The following PIP4K2A variants were observed in gnomAD, a reference collection of about 807,000 sequenced individuals.
PIP4K2A encodes the protein phosphatidylinositol 5-phosphate 4-kinase type-2 alpha.
Under a neutral mutation model 42.9 loss-of-function variants are expected in PIP4K2A, and 14 were observed. The ratio of observed to expected loss-of-function variants is 0.33; its 90% CI spans 0.22 to 0.51. The LOEUF is 0.51. Among genes scored for constraint, PIP4K2A ranks in the 20% least tolerant of loss-of-function variants. The pLI is 0.97. For missense variants in PIP4K2A, 434 were observed against 519.8 expected, an observed-to-expected ratio of 0.83 and a Z score of 1.61; for synonymous variants, 192 against 192.2, an observed-to-expected ratio of 1.00 and a Z score of 0.01.
intron 1 of PIP4K2A, among the ~76,000 whole-genome samples, chr10:22,661,459 T>G (rs1254882092): frequency 1.3e-5 from 2 of 150,552 alleles, no homozygotes; most frequent in African/African-American, 4.9e-5. Context: ...TGGGCTCAAG[T>G]GATCCTCCTG....
chr10:22,666,458 G>A (rs1839354500), intron 1 of PIP4K2A, among the ~76,000 whole-genome samples: 1 of 152,144 alleles, frequency 6.6e-6, no homozygotes, highest in African/African-American at 2.4e-5. Flanking sequence ...GCAGCAGGAA[G>A]GCATTAATTT....
intron 3 of PIP4K2A, among the ~76,000 whole-genome samples, chr10:22,593,105 T>C (rs1837550330): frequency 1.3e-5 from 2 of 152,218 alleles, no homozygotes; most frequent in African/African-American, 2.4e-5. Context: ...GTAGAATCCA[T>C]TGCAGCAGTG....
chr10:22,598,419 A>C (rs1360417992), intron 3 of PIP4K2A, among the ~76,000 whole-genome samples: 1 of 152,228 alleles, frequency 6.6e-6, no homozygotes, highest in African/African-American at 2.4e-5. Context: ...AGTGACAGTA[A>C]GTTATTTCCT....
At chr10:22,554,781 T>G (rs1204500466) in intron 6 of PIP4K2A, among the ~76,000 whole-genome samples, 1 of 152,176 alleles carries the variant, frequency 6.6e-6, no homozygotes, top group Non-Finnish European at 1.5e-5. Flanking sequence ...GACGAGGGTA[T>G]GGGAGGGAAC....
At chr10:22,670,436 T>A (rs1010356865) in intron 1 of PIP4K2A, among the ~76,000 whole-genome samples, 2 of 152,150 alleles carry the variant, frequency 1.3e-5, no homozygotes, top group Non-Finnish European at 2.9e-5. Context: ...ACTTCTTCCA[T>A]ATGCAAACAG....
At chr10:22,575,970 T>C (rs1435883621) in intron 4 of PIP4K2A, among the ~76,000 whole-genome samples, 1 of 151,658 alleles carries the variant, frequency 6.6e-6, no homozygotes, top group East Asian at 1.9e-4. Context: ...AAAAAGTCTG[T>C]CTACTTTATC....
chr10:22,664,160 T>C (rs1178655083), intron 1 of PIP4K2A, among the ~76,000 whole-genome samples: 7 of 67,244 alleles, frequency 1.0e-4, no homozygotes, highest in African/African-American at 4.5e-4. Context: ...TACACATATA[T>C]ATATATACAT....
intron 3 of PIP4K2A, among the ~76,000 whole-genome samples, chr10:22,603,334 T>C (rs7093543): frequency 0.062 from 9,496 of 152,176 alleles, 381 homozygotes; most frequent in Middle Eastern, 0.16. Context: ...GCATAACTTT[T>C]TGGTTTCTGG....
chr10:22,623,182 G>T (rs1164225918), intron 1 of PIP4K2A, among the ~76,000 whole-genome samples: 2 of 151,814 alleles, frequency 1.3e-5, no homozygotes, highest in East Asian at 3.9e-4. Flanking sequence ...TAAAAAAAAA[G>T]GTTACACATT....
At chr10:22,612,943 C>T (rs1190452200) in intron 1 of PIP4K2A, among the ~76,000 whole-genome samples, 8 of 152,026 alleles carry the variant, frequency 5.3e-5, no homozygotes, top group Non-Finnish European at 1.0e-4. Flanking sequence ...ATGAGGTAAC[C>T]TGGAGAGGGG....
intron 1 of PIP4K2A, among the ~76,000 whole-genome samples, chr10:22,631,073 T>C (rs931184043): frequency 6.6e-6 from 1 of 152,202 alleles, no homozygotes; most frequent in African/African-American, 2.4e-5. Flanking sequence ...ACACACGGTA[T>C]ACTAACACAC....
At chr10:22,591,859 A>T in intron 3 of PIP4K2A, 78 bp from the exon 4 acceptor site, 1 of 1,267,886 alleles carries the variant, frequency 7.9e-7, no homozygotes, top group South Asian at 1.7e-5. Context: ...ATTCCCAGAT[A>T]ATTTGTCATC....
intron 1 of PIP4K2A, among the ~76,000 whole-genome samples, chr10:22,613,896 A>C (rs890236838): frequency 3.3e-5 from 5 of 152,212 alleles, no homozygotes; most frequent in Non-Finnish European, 5.9e-5. Context: ...TTGGAAATGG[A>C]AAGTCAGTAC....
Position 22,536,853 on chromosome 10 carries a change from G to A in PIP4K2A, c.*348C>T, listed in dbSNP as rs545362133. On this transcript the variant is annotated 3_prime_UTR_variant, in exon 10 of 10. Coordinates refer to ENST00000376573, the MANE Select transcript of PIP4K2A (RefSeq NM_005028.5). ...ACTCACTCACTCACTCATTCATTCG[G>A]CCATAGCTGGAATCAAAGGGTCTTT... 1 of 183,260 alleles carries A rather than the reference G, an allele frequency of 5.5e-6. No individual in the cohort carries two copies. Among genetic ancestry groups the A allele is most frequent in the East Asian group, 1.5e-4 (1 of 6,724 alleles). 11.4% of individuals were successfully genotyped at this position (183,260 alleles called of 1,614,324 possible).
rs1564411057 is a variant in PIP4K2A at position 22,539,920 on chromosome 10, A to AGAGAGAGAGG, written c.1140+50_1140+51insCCTCTCTCTC. 1.3e-5 allele frequency: 13 copies of AGAGAGAGAGG among 970,424 alleles called. No homozygotes were observed. The African/African-American group carries it at 2.0e-4, about 15-fold the overall frequency. 60.1% of individuals were successfully genotyped at this position (970,424 alleles called of 1,614,324 possible). On this transcript the variant is annotated intron_variant, in intron 9 of 9. Coordinates refer to ENST00000376573, the MANE Select transcript of PIP4K2A (RefSeq NM_005028.5). ...GAGAGAGAGAGAGAGAGGGAGAGAG[A>AGAGAGAGAGG]GAGAGAGAGAGGGAGAGAAAGAGAG...
chr10:22,557,331 TA>T (rs1309434797), intron 6 of PIP4K2A, among the ~76,000 whole-genome samples: 1 of 152,188 alleles, frequency 6.6e-6, no homozygotes, highest in African/African-American at 2.4e-5. Context: ...AAGCAACACC[TA>T]AAAAATTCCT....
chr10:22,705,208 G>A (rs962377557), intron 1 of PIP4K2A, among the ~76,000 whole-genome samples: 2 of 151,834 alleles, frequency 1.3e-5, no homozygotes, highest in East Asian at 1.9e-4. Context: ...CTTCCGGGTC[G>A]AGTGTCATTT....
intron 1 of PIP4K2A, among the ~76,000 whole-genome samples, chr10:22,621,124 GGATAAGACA>G (rs1430755448): frequency 1.3e-5 from 2 of 152,174 alleles, no homozygotes; most frequent in African/African-American, 4.8e-5. Flanking sequence ...AGAAAAGACG[GGATAAGACA>G]GATAAGAGCC....
intron 7 of PIP4K2A, among the ~76,000 whole-genome samples, chr10:22,547,046 T>C (rs994408318): frequency 8.5e-5 from 13 of 152,196 alleles, no homozygotes; most frequent in East Asian, 1.9e-4. Flanking sequence ...TCCTTACTAA[T>C]TGAGTCCTTG....
Sources: allele counts gnomAD v4.1 joint callset (sites outside exome capture counted in the v4.1 genomes callset), GRCh38; gene constraint gnomAD v4.1.1; transcripts MANE v1.5; gene names NCBI Gene and HGNC (gene_info 2026-07-23, HGNC 2026-07-21).